Variants in RNF19B observed in about 807,000 individuals in gnomAD.
RNF19B encodes E3 ubiquitin-protein ligase RNF19B.
In RNF19B, 23 loss-of-function variants were observed where a neutral mutation model predicts 65.5. The observed-to-expected ratio is 0.35, with a 90% confidence interval of 0.25 to 0.50. The LOEUF is 0.50. RNF19B is among the 20% of genes least tolerant of loss of function. RNF19B has a pLI of 0.98. For synonymous variants in RNF19B, 372 were observed against 379.6 expected, an observed-to-expected ratio of 0.98 and a Z score of 0.23; for missense variants, 794 against 980.0, an observed-to-expected ratio of 0.81 and a Z score of 2.53.
At chr1:32,947,755 T>A (rs780711266) in intron 3 of RNF19B, among the ~76,000 whole-genome samples, 3 of 151,986 alleles carry the variant, frequency 2.0e-5, no homozygotes, top group African/African-American at 7.3e-5. Context: ...CTCAAGATAC[T>A]TACAGTTTAG....
intron 3 of RNF19B, among the ~76,000 whole-genome samples, chr1:32,947,193 C>T (rs1375199159): frequency 6.6e-6 from 1 of 152,144 alleles, no homozygotes; most frequent in Non-Finnish European, 1.5e-5. Flanking sequence ...CCCCTATGTC[C>T]CCAATGACTA....
At position 32,961,712 on chromosome 1, in the gene RNF19B, G is replaced by A. The variant is rs1291975527; in HGVS notation, c.635+2339C>T. ...CTAATTAAAAAAATAAAATCTGGAG[G>A]ATACTAACATAATACTTGGCTAAAA... is the stretch of plus-strand genomic sequence containing the variant. On this transcript the variant is annotated intron_variant, in intron 1 of 8. Transcript: ENST00000235150. 3.9e-5 allele frequency among the ~76,000 whole-genome samples: 6 copies of A among 151,932 alleles called. No homozygotes were observed. The South Asian group carries it at 8.3e-4, about 21-fold the overall frequency.
rs936806632 is a variant in RNF19B at position 32,945,423 on chromosome 1, T to C, written c.1261+91A>G. The C allele has an allele frequency of 3.4e-5, 26 of 771,852 alleles. 1 individual carries two copies. In the Admixed American group the frequency reaches 4.3e-4, roughly 13 times the overall value. 47.8% of individuals were successfully genotyped at this position (771,852 alleles called of 1,614,324 possible). On this transcript the variant is annotated intron_variant, in intron 5 of 8. Coordinates refer to ENST00000235150, the MANE Select transcript of RNF19B (RefSeq NM_001300826.2). Reference sequence around the variant, plus strand: ...ACTATCAAGGTGGGTTCGCATAAAATGTAGGAGTCTTTGAGAAACATCTGG... The same window carrying C: ...ACTATCAAGGTGGGTTCGCATAAAACGTAGGAGTCTTTGAGAAACATCTGG...
chr1:32,952,444 A>C (rs618957), intron 1 of RNF19B, among the ~76,000 whole-genome samples: 79 of 115,472 alleles, frequency 6.8e-4, no homozygotes, highest in Middle Eastern at 4.6e-3. Context: ...AAAAAAAAAA[A>C]AAAAAAAAAA....
chr1:32,952,962 A>ATTTT (rs71278768), intron 1 of RNF19B, among the ~76,000 whole-genome samples: 26 of 120,038 alleles, frequency 2.2e-4, no homozygotes, highest in South Asian at 1.6e-3. Flanking sequence ...TAATCACACA[A>ATTTT]TTTTTTTTTT....
intron 1 of RNF19B, among the ~76,000 whole-genome samples, chr1:32,956,574 T>G (rs1642644536): frequency 6.6e-6 from 1 of 151,790 alleles, no homozygotes; most frequent in Non-Finnish European, 1.5e-5. Flanking sequence ...AAACCCTATC[T>G]CAAAAAAATA....
In RNF19B at chr1:32,936,697, A is replaced by C; in HGVS notation, c.*109T>G. 1 of 1,043,364 alleles carries C rather than the reference A, an allele frequency of 9.6e-7. No individual in the cohort carries two copies. 64.6% of individuals were successfully genotyped at this position (1,043,364 alleles called of 1,614,324 possible). A position where few individuals can be genotyped will look rare whatever the true frequency, so the allele number is the denominator to read the frequency against. On this transcript the variant is annotated 3_prime_UTR_variant, in exon 9 of 9. Coordinates refer to ENST00000235150, the MANE Select transcript of RNF19B (RefSeq NM_001300826.2). ...CTGGGCAAAAACCTGTGACCAGAGA[A>C]TCTGTGAAATAAAATACATAAATCT... is the stretch of plus-strand genomic sequence containing the variant.
intron 5 of RNF19B, among the ~76,000 whole-genome samples, chr1:32,945,097 C>A (rs1342742284): frequency 2.0e-5 from 3 of 152,068 alleles, no homozygotes; most frequent in Non-Finnish European, 4.4e-5. Context: ...CATGAAGAGC[C>A]ACATTAAATG....
rs1642343918 is a variant in RNF19B at position 32,945,404 on chromosome 1, A to AGAT, written c.1261+109_1261+110insATC. ...ATGGTGCCTAACAGAATTTACTATC[A>AGAT]AGGTGGGTTCGCATAAAATGTAGGA... On this transcript the variant is annotated intron_variant, in intron 5 of 8. Transcript: ENST00000235150. 13 of 650,258 alleles carry AGAT rather than the reference A, an allele frequency of 2.0e-5. No individual in the cohort carries two copies. In the South Asian group the frequency reaches 2.6e-4, roughly 13 times the overall value. The allele number at this position is 650,258 out of a possible 1,614,324, so 40.3% of individuals were successfully genotyped here. A position where few individuals can be genotyped will look rare whatever the true frequency, so the allele number is the denominator to read the frequency against.
intron 1 of RNF19B, among the ~76,000 whole-genome samples, chr1:32,959,242 G>C (rs982719565): frequency 6.6e-6 from 1 of 152,186 alleles, no homozygotes; most frequent in African/African-American, 2.4e-5. Flanking sequence ...TGAAAGGCTG[G>C]AGTGGTGGAC....
chr1:32,964,272 C>T lies in RNF19B; in HGVS notation c.414G>A (p.Pro138=). 1 of 1,536,260 alleles carries T rather than the reference C, an allele frequency of 6.5e-7. No individual in the cohort carries two copies. The highest frequency in any genetic ancestry group is 8.7e-7 in the Non-Finnish European group (1 of 1,143,158). The part of the protein sequence containing the change: ...PERAPRLLSC[P]HRSCRDCLRH... ...GGAGGCAGTCCCGGCACGAGCGGTG[C>T]GGACAGCTGAGGAGGCGCGGGGCCC... is the stretch of plus-strand genomic sequence containing the variant. Residue 138 remains proline, a synonymous_variant, in exon 1 of 9, where the codon CCG becomes CCA. Coordinates refer to ENST00000235150, the MANE Select transcript of RNF19B (RefSeq NM_001300826.2). The surrounding 1 kb of genome is among the most constrained non-coding windows in gnomAD (Gnocchi z 6.5).
rs1353326687 is a variant in RNF19B, at chr1:32,964,494, C to CGGCGGCGGCGCAGCCGGG, written c.191_192insCCCGGCTGCGCCGCCGCC (p.Ala66_Pro67insAlaProProProProAla). On this transcript the variant is annotated inframe_insertion, in exon 1 of 9. Transcript: ENST00000235150. The surrounding 1 kb of genome is among the most constrained non-coding windows in gnomAD (Gnocchi z 6.5). ...GGGCCGCGGCAGGGGCCGGGGCGGGCGGCGGCTGCGCAGCCGGGGGCGGCG... is the reference window on the plus strand; with the variant it reads ...GGGCCGCGGCAGGGGCCGGGGCGGGCGGCGGCGGCGCAGCCGGGGGCGGCTGCGCAGCCGGGGGCGGCG... 3.7e-5 allele frequency: 35 copies of CGGCGGCGGCGCAGCCGGG among 943,454 alleles called. 1 individual carries two copies. The highest frequency in any genetic ancestry group is 1.8e-4 in the African/African-American group (10 of 54,968). 58.4% of individuals were successfully genotyped at this position (943,454 alleles called of 1,614,324 possible).
At chr1:32,931,036 C>T in the RNF19B span, among the ~76,000 whole-genome samples, 1 of 151,420 alleles carries the variant, frequency 6.6e-6, no homozygotes, top group Non-Finnish European at 1.5e-5. Context: ...TGCAGTGAGC[C>T]GAGATTGCGC....
chr1:32,934,398 G>A (rs1642064581), downstream of RNF19B, among the ~76,000 whole-genome samples: 1 of 152,118 alleles, frequency 6.6e-6, no homozygotes, highest in Non-Finnish European at 1.5e-5. Context: ...TGCAATCTGA[G>A]GGCCGGGCGA....
At chr1:32,948,148 C>G in intron 3 of RNF19B, 74 bp downstream of exon 3, 1 of 1,521,688 alleles carries the variant, frequency 6.6e-7, no homozygotes. Flanking sequence ...ACGGATGTGT[C>G]TTTTTGACAT....
At chr1:32,943,611 C>CA (rs113168699) in intron 6 of RNF19B, among the ~76,000 whole-genome samples, 279 of 128,352 alleles carry the variant, frequency 2.2e-3, no homozygotes, top group Middle Eastern at 8.5e-3. Context: ...GACTCCGTCT[C>CA]AAAAAAAAAA....
intron 1 of RNF19B, among the ~76,000 whole-genome samples, chr1:32,962,641 A>G (rs889597200): frequency 6.6e-6 from 1 of 152,212 alleles, no homozygotes; most frequent in Non-Finnish European, 1.5e-5. Flanking sequence ...CCACCTTGAT[A>G]TATAGGCTAC....
intron 7 of RNF19B, among the ~76,000 whole-genome samples, chr1:32,940,667 GCAAC>G (rs1192198119): frequency 6.6e-6 from 1 of 152,066 alleles, no homozygotes; most frequent in Non-Finnish European, 1.5e-5. Flanking sequence ...ATAGCTGAAG[GCAAC>G]CATCTCCTCT....
Position 32,936,943 on chromosome 1 carries a change from G to C in RNF19B, c.2059C>G (p.Pro687Ala). 1 of 1,614,066 alleles carries C rather than the reference G, an allele frequency of 6.2e-7. No individual in the cohort carries two copies. Among genetic ancestry groups the C allele is most frequent in the Non-Finnish European group, 8.5e-7 (1 of 1,180,006 alleles). The stretch of plus-strand genomic sequence containing the variant: ...GGGCAGGCTGCAGTATGGGAGCGGG[G>C]GGAGCCACACTCATCTGAGGTGATG... ...PDITSDECGS[P>A]RSHTAACPST... The change falls in exon 9 of 9, where the codon CCC becomes GCC. Residue 687 changes from proline (P) to alanine (A), a missense_variant. Pro to Ala is a conservative substitution (Grantham distance 27). This residue lies in a region of RNF19B where 368 missense variants were observed against 447.3 expected (regional missense o/e 0.82). Transcript: ENST00000235150.
Sources: gnomAD v4.1 joint callset for allele counts (sites outside exome capture counted in the v4.1 genomes callset) on GRCh38, gnomAD v4.1.1 for gene constraint, gnomAD v4.1.1 regional missense constraint, Gnocchi (gnomAD v3.1) non-coding constraint, MANE v1.5 for transcripts, NCBI Gene and HGNC (gene_info 2026-07-23, HGNC 2026-07-21) for gene names.